The following HSD17B12 variants were observed in gnomAD, a reference collection of about 807,000 sequenced individuals.
HSD17B12 encodes hydroxysteroid 17-beta dehydrogenase 12, also known as very-long-chain 3-oxoacyl-CoA reductase.
HSD17B12 carries 32 observed loss-of-function variants against 39.3 expected under a neutral mutation model. That is an observed-to-expected ratio of 0.81 (90% CI 0.61 to 1.09). HSD17B12 has a LOEUF of 1.09. Ranked by LOEUF, HSD17B12 falls within the 50% of genes least tolerant of loss-of-function variation. HSD17B12 has a pLI of 0.00. For missense variants in HSD17B12, 342 were observed against 382.9 expected (o/e 0.89, Z 0.89); for synonymous variants, 150 against 146.7 (o/e 1.02, Z -0.16).
At chr11:43,635,698 G>T in the HSD17B12 span, among the ~76,000 whole-genome samples, 1 of 152,224 alleles carries the variant, frequency 6.6e-6, no homozygotes, top group African/African-American at 2.4e-5. Context: ...CTGAAAGTCT[G>T]AAGAGGATGA....
At chr11:43,698,000 C>T (rs1205899192) in intron 1 of HSD17B12, among the ~76,000 whole-genome samples, 1 of 152,110 alleles carries the variant, frequency 6.6e-6, no homozygotes, top group African/African-American at 2.4e-5. Context: ...GGTAGCAACT[C>T]AGGAGGTTGG....
the HSD17B12 span, among the ~76,000 whole-genome samples, chr11:43,669,546 G>C: frequency 2.6e-5 from 4 of 151,948 alleles, no homozygotes; most frequent in African/African-American, 9.7e-5. Flanking sequence ...CAATTTTGAG[G>C]CTAGAAGTCC....
the HSD17B12 span, among the ~76,000 whole-genome samples, chr11:43,579,966 G>C: frequency 1.3e-5 from 2 of 151,938 alleles, no homozygotes; most frequent in Non-Finnish European, 2.9e-5. Context: ...AATGTTTGCA[G>C]TAACCCATCC....
chr11:43,569,065 T>C, the HSD17B12 span, among the ~76,000 whole-genome samples: 1 of 152,176 alleles, frequency 6.6e-6, no homozygotes, highest in Non-Finnish European at 1.5e-5. Flanking sequence ...CCCAGGAGAA[T>C]CAAAGCATTT....
chr11:43,581,217 G>T, the HSD17B12 span, among the ~76,000 whole-genome samples: 1 of 152,088 alleles, frequency 6.6e-6, no homozygotes, highest in South Asian at 2.1e-4. The surrounding 1 kb of genome is among the most constrained non-coding windows in gnomAD (Gnocchi z 4.9). Context: ...TTGGGGGATC[G>T]CGGACGGTCT....
chr11:43,633,146 A>G, the HSD17B12 span, among the ~76,000 whole-genome samples: 1 of 152,206 alleles, frequency 6.6e-6, no homozygotes, highest in Non-Finnish European at 1.5e-5. Context: ...AAAAGGAGGT[A>G]TCTTTATCTT....
chr11:43,801,597 T>G (rs1444072681), intron 4 of HSD17B12, among the ~76,000 whole-genome samples: 3 of 2,062 alleles, frequency 1.5e-3, no homozygotes, highest in African/African-American at 3.1e-3. Context: ...TAGTTGGAGA[T>G]ATATATATAT....
chr11:43,823,237 T>A (rs1951199910), intron 6 of HSD17B12, among the ~76,000 whole-genome samples: 9 of 151,948 alleles, frequency 5.9e-5, no homozygotes, highest in Admixed American at 5.9e-4. Context: ...TCACTGAGCA[T>A]TTCATTTTTA....
chr11:43,793,605 A>T (rs528853033), intron 3 of HSD17B12, among the ~76,000 whole-genome samples: 2 of 152,346 alleles, frequency 1.3e-5, no homozygotes, highest in South Asian at 2.1e-4. Flanking sequence ...GGTAAACATA[A>T]AGCCATTCTG....
At chr11:43,742,135 ATATAT>A (rs1425162813) in intron 1 of HSD17B12, among the ~76,000 whole-genome samples, 10 of 67,540 alleles carry the variant, frequency 1.5e-4, no homozygotes, top group African/African-American at 6.7e-4. Context: ...ATATATATAT[ATATAT>A]TTTTTTTTTT....
intron 3 of HSD17B12, among the ~76,000 whole-genome samples, chr11:43,783,345 T>C (rs892101190): frequency 6.6e-6 from 1 of 152,174 alleles, no homozygotes; most frequent in Admixed American, 6.5e-5. Flanking sequence ...TCTCAAACTT[T>C]TTAGTCTCAG....
chr11:43,594,119 T>C, the HSD17B12 span, among the ~76,000 whole-genome samples: 2 of 152,154 alleles, frequency 1.3e-5, no homozygotes, highest in Admixed American at 1.3e-4. Context: ...ACCCTAATAA[T>C]TGGATTAAGG....
chr11:43,731,567 T>C (rs1485501088), intron 1 of HSD17B12, among the ~76,000 whole-genome samples: 2 of 152,202 alleles, frequency 1.3e-5, no homozygotes, highest in Non-Finnish European at 2.9e-5. Context: ...AATGTAATCA[T>C]GTTGACTGAA....
intron 3 of HSD17B12, among the ~76,000 whole-genome samples, chr11:43,785,490 A>G (rs1205924096): frequency 6.6e-6 from 1 of 152,212 alleles, no homozygotes; most frequent in Non-Finnish European, 1.5e-5. Flanking sequence ...ATGTGACTAG[A>G]GCAGAGCTTG....
intron 9 of HSD17B12, 32 bp from the exon 10 acceptor site, chr11:43,854,683 C>A: frequency 6.2e-7 from 1 of 1,610,716 alleles, no homozygotes; most frequent in Non-Finnish European, 8.5e-7. Context: ...TAATCAATGG[C>A]ATGTTTTCTG....
chr11:43,569,169 C>T, the HSD17B12 span: 3 of 152,164 alleles, frequency 2.0e-5, no homozygotes, highest in Non-Finnish European at 4.4e-5. Flanking sequence ...ATTTCACTGC[C>T]AGTGTGTCTC....
At chr11:43,707,128 A>C (rs934146380) in intron 1 of HSD17B12, among the ~76,000 whole-genome samples, 2 of 152,170 alleles carry the variant, frequency 1.3e-5, no homozygotes, top group East Asian at 3.9e-4. Context: ...AACTGATTCA[A>C]TAAATTAATT....
At chr11:43,712,271 A>G (rs1950074637) in intron 1 of HSD17B12, among the ~76,000 whole-genome samples, 1 of 152,102 alleles carries the variant, frequency 6.6e-6, no homozygotes, top group South Asian at 2.1e-4. Flanking sequence ...TACTAAAAAT[A>G]CAAAAATTAG....
chr11:43,782,313 C>T (rs1413584844), intron 3 of HSD17B12, among the ~76,000 whole-genome samples: 1 of 152,110 alleles, frequency 6.6e-6, no homozygotes, highest in Non-Finnish European at 1.5e-5. Context: ...TGAAGGGATG[C>T]TATCTAACCA....
Sources: allele counts gnomAD v4.1 joint callset (sites outside exome capture counted in the v4.1 genomes callset), GRCh38; gene constraint gnomAD v4.1.1; non-coding constraint Gnocchi (gnomAD v3.1); transcripts MANE v1.5; gene names NCBI Gene and HGNC (gene_info 2026-07-23, HGNC 2026-07-21).